The following SAXO1 variants were observed in gnomAD, a reference collection of about 807,000 sequenced individuals.
SAXO1 encodes the protein stabilizer of axonemal microtubules 1.
In SAXO1, 21 loss-of-function variants were observed where a neutral mutation model predicts 17.5. The ratio of observed to expected loss-of-function variants is 1.20; its 90% CI spans 0.85 to 1.72. The LOEUF is 1.72. Ranked by LOEUF, SAXO1 falls within the 40% of genes most tolerant of loss-of-function variation. The probability of loss-of-function intolerance (pLI) is 0.00; values close to 1 mark genes in which losing one functional copy is unlikely to be tolerated. For missense variants in SAXO1, 843 were observed against 596.0 expected, an observed-to-expected ratio of 1.41 and a Z score of -4.32; for synonymous variants, 274 against 216.5, an observed-to-expected ratio of 1.27 and a Z score of -2.33.
At position 18,941,734 on chromosome 9, in the gene SAXO1, A is replaced by T. The variant is rs573501142; in HGVS notation, c.324T>A (p.Asp108Glu). The change falls in exon 3 of 4, where the codon GAT becomes GAA. Residue 108 changes from aspartate to glutamate, a missense_variant. By Grantham distance (45) the Asp-to-Glu change is conservative (BLOSUM62 2). Coordinates refer to ENST00000380534, the MANE Select transcript of SAXO1 (RefSeq NM_153707.4). ...CTCGACAGACAGGGTAGGGATTGTA[A>T]TCTTTCTTATACGTCGTGAGCAAAT... The part of the protein sequence containing the change: ...NMDLLTTYKK[D>E]YNPYPVCRVD... The T allele has an allele frequency of 1.9e-6, 3 of 1,613,850 alleles. No individual in the cohort carries two copies. The Admixed American group carries it at 5.0e-5, about 27-fold the overall frequency.
chr9:19,005,108 A>G (rs1834433293), intron 1 of SAXO1, among the ~76,000 whole-genome samples: 1 of 152,236 alleles, frequency 6.6e-6, no homozygotes, highest in African/African-American at 2.4e-5. Flanking sequence ...TCAAAAAACT[A>G]CAAGACATTG....
chr9:18,964,753 C>G (rs1004605741), intron 1 of SAXO1, among the ~76,000 whole-genome samples: 6 of 152,014 alleles, frequency 3.9e-5, no homozygotes, highest in Admixed American at 2.0e-4. Flanking sequence ...GTCTCTAACT[C>G]CCTCAATTCT....
chr9:19,021,293 G>A (rs772808923), intron 1 of SAXO1, among the ~76,000 whole-genome samples: 8 of 152,204 alleles, frequency 5.3e-5, no homozygotes, highest in East Asian at 1.9e-4. Context: ...ACGTGCAGAG[G>A]AAGTCAGAGT....
Position 19,047,870 on chromosome 9 carries a change from A to G in SAXO1, c.-158+1339T>C, listed in dbSNP as rs1836259491. Among the ~76,000 whole-genome samples, 3 of 152,228 alleles carry G rather than the reference A, an allele frequency of 2.0e-5. No individual in the cohort carries two copies. The South Asian group carries it at 6.2e-4, about 31-fold the overall frequency. ...GCCAAAAATGAGAAGATGTGAAATC[A>G]GGAAAAAGAATACCCAACTCGAAAG... is the stretch of plus-strand genomic sequence containing the variant. On this transcript the variant is annotated intron_variant, in intron 1 of 3. Transcript: ENST00000542071.
intron 1 of SAXO1, among the ~76,000 whole-genome samples, chr9:18,959,294 G>T (rs1386197905): frequency 6.6e-6 from 1 of 152,130 alleles, no homozygotes. Flanking sequence ...TCGCAGATAG[G>T]AATACTCTGA....
At chr9:18,964,229 T>A (rs1832621403) in intron 1 of SAXO1, among the ~76,000 whole-genome samples, 1 of 152,194 alleles carries the variant, frequency 6.6e-6, no homozygotes, top group Non-Finnish European at 1.5e-5. Context: ...GGCCTGAAAT[T>A]TTCTTTTTTT....
rs571861434 is a variant in SAXO1, at chr9:19,018,123, G to A, written c.38+14748C>T. 9.3e-5 allele frequency among the ~76,000 whole-genome samples: 14 copies of A among 151,070 alleles called. No individual in the cohort carries two copies. The South Asian group carries it at 2.5e-3, about 27-fold the overall frequency. On this transcript the variant is annotated intron_variant, in intron 1 of 3. Transcript: ENST00000380534. ...TTTGAGGTTGCTGTGAGTCATGACT[G>A]CACCACTGCACTCTAGCTGGGGCAA...
chr9:19,028,312 G>A (rs1025995039), intron 1 of SAXO1, among the ~76,000 whole-genome samples: 1 of 152,208 alleles, frequency 6.6e-6, no homozygotes, highest in African/African-American at 2.4e-5. Flanking sequence ...GGAGGCGGAG[G>A]TTGCAATAAG....
rs1403640143 is a variant in SAXO1 at position 19,049,054 on chromosome 9, G to A, written c.-158+155C>T. ...AGCTGGGGAGGCCTAAGCGGACTGG[G>A]AAGTTAGGCTTTCCCTCCACTTCAC... On this transcript the variant is annotated intron_variant, in intron 1 of 3. Coordinates refer to the SAXO1 transcript ENST00000542071. The surrounding 1 kb of genome is among the most constrained non-coding windows in gnomAD (Gnocchi z 5.4). Among the ~76,000 whole-genome samples, 1 of 152,142 alleles carries A rather than the reference G, an allele frequency of 6.6e-6. No homozygotes were observed.
intron 1 of SAXO1, among the ~76,000 whole-genome samples, chr9:18,955,058 A>G (rs528656004): frequency 6.6e-6 from 1 of 152,342 alleles, no homozygotes; most frequent in East Asian, 1.9e-4. Flanking sequence ...AAAGCCAGGC[A>G]TAGTGGCACC....
At chr9:18,938,374 C>T (rs1399845571) in intron 3 of SAXO1, among the ~76,000 whole-genome samples, 1 of 152,038 alleles carries the variant, frequency 6.6e-6, no homozygotes, top group East Asian at 1.9e-4. Flanking sequence ...CTGGGGAGGC[C>T]TCAGGGAGTT....
At chr9:18,960,226 C>A (rs1303417308) in intron 1 of SAXO1, among the ~76,000 whole-genome samples, 7 of 152,168 alleles carry the variant, frequency 4.6e-5, no homozygotes, top group Non-Finnish European at 7.3e-5. Context: ...CCCTGGGACG[C>A]GTGGGGTAGG....
chr9:18,949,852 G>A lies in SAXO1; in HGVS notation c.218+906C>T, dbSNP rs972852557. The stretch of plus-strand genomic sequence containing the variant: ...TGAGGCACCGATGTGCAAGCATTGT[G>A]CTGGAACAGTCAACATTCACCATCA... On this transcript the variant is annotated intron_variant, in intron 2 of 3. Coordinates refer to ENST00000380534, the MANE Select transcript of SAXO1 (RefSeq NM_153707.4). Among the ~76,000 whole-genome samples, 15 of 152,196 alleles carry A rather than the reference G, an allele frequency of 9.9e-5. 1 individual carries two copies. The highest frequency in any genetic ancestry group is 1.5e-5 in the Non-Finnish European group (1 of 68,036).
intron 1 of SAXO1, among the ~76,000 whole-genome samples, chr9:19,023,148 C>G (rs1370594356): frequency 7.9e-6 from 1 of 126,336 alleles, no homozygotes; most frequent in African/African-American, 2.9e-5. Context: ...CATCCCCCCC[C>G]ACCCCCCCGC....
intron 1 of SAXO1, among the ~76,000 whole-genome samples, chr9:18,955,076 C>G (rs191244405): frequency 1.3e-5 from 2 of 152,146 alleles, no homozygotes; most frequent in Non-Finnish European, 2.9e-5. Flanking sequence ...ACCTGCCTAT[C>G]GTCCCAGCTA....
At chr9:19,048,446 G>A (rs1453502463) in intron 1 of SAXO1, among the ~76,000 whole-genome samples, 3 of 151,018 alleles carry the variant, frequency 2.0e-5, no homozygotes, top group African/African-American at 7.3e-5. Flanking sequence ...AACAGAGTGA[G>A]ACTCCGTCTC....
At chr9:18,962,372 T>C (rs536010183) in intron 1 of SAXO1, among the ~76,000 whole-genome samples, 4 of 152,220 alleles carry the variant, frequency 2.6e-5, no homozygotes, top group Non-Finnish European at 4.4e-5. Context: ...CCGGCTCTCA[T>C]TGGGGATTTG....
At chr9:18,964,347 T>C (rs140474765) in intron 1 of SAXO1, among the ~76,000 whole-genome samples, 4 of 152,340 alleles carry the variant, frequency 2.6e-5, no homozygotes, top group Non-Finnish European at 5.9e-5. Flanking sequence ...GAAGGAATGG[T>C]ACCAACTCCT....
At chr9:19,032,735 T>C (rs893057589) in intron 1 of SAXO1, 136 bp downstream of exon 1, 9 of 912,172 alleles carry the variant, frequency 9.9e-6, no homozygotes, top group Admixed American at 7.4e-5. Flanking sequence ...GTTGACACAA[T>C]TGTGGCTTAA....
Sources: allele counts gnomAD v4.1 joint callset (sites outside exome capture counted in the v4.1 genomes callset), GRCh38; gene constraint gnomAD v4.1.1; non-coding constraint Gnocchi (gnomAD v3.1); transcripts MANE v1.5; gene names NCBI Gene and HGNC (gene_info 2026-07-23, HGNC 2026-07-21).